COL6A3: variants seen among roughly 807,000 people sequenced by gnomAD.
The protein encoded by COL6A3 is collagen type VI alpha 3 chain.
Under a neutral mutation model 274.1 loss-of-function variants are expected in COL6A3, and 137 were observed. The observed-to-expected ratio is 0.50, with a 90% CI of 0.44 to 0.58. The LOEUF (loss-of-function observed/expected upper bound fraction) is 0.58, where lower values mean the gene tolerates loss of function less well. Among genes scored for constraint, COL6A3 ranks in the 20% least tolerant of loss-of-function variants. The pLI is 0.00. For missense variants in COL6A3, 3,950 were observed against 4,124.9 expected, an observed-to-expected ratio of 0.96 and a Z score of 1.16; for synonymous variants, 1,650 against 1,650.6, an observed-to-expected ratio of 1.00 and a Z score of 0.01.
At chr2:237,403,443 A>C (rs2078642936) in intron 1 of COL6A3, among the ~76,000 whole-genome samples, 2 of 152,188 alleles carry the variant, frequency 1.3e-5, no homozygotes. Flanking sequence ...CCATGATCTC[A>C]GCAGCTAAAA....
rs560325775 is a variant in COL6A3, at chr2:237,345,279, G to T, written c.7093-66C>A. 2.5e-4 allele frequency: 386 copies of T among 1,533,174 alleles called. 7 individuals are homozygous for T. In the South Asian group the frequency reaches 4.0e-3, roughly 16 times the overall value. 95.0% of individuals were successfully genotyped at this position (1,533,174 alleles called of 1,614,324 possible). ...GGGGAATTCGAATAAACAGGCTTTG[G>T]CCCCCAGAAATACACAGAGCAAGAC... On this transcript the variant is annotated intron_variant, in intron 32 of 43. Coordinates refer to ENST00000295550, the MANE Select transcript of COL6A3 (RefSeq NM_004369.4).
chr2:237,359,479 C>T, intron 17 of COL6A3, 91 bp from the exon 18 acceptor site: 1 of 1,324,344 alleles, frequency 7.6e-7, no homozygotes. Context: ...CCCCACTCCA[C>T]CCCATTTGAA....
In COL6A3 at chr2:237,344,016, A is replaced by G. The variant is rs1311897561; in HGVS notation, c.7668+334T>C. ...TTGGGAGGAGACAGGAAGGATGCAA[A>G]CGTCCAGGTCCTCATGAATAAAGCA... On this transcript the variant is annotated intron_variant, in intron 36 of 43. Coordinates refer to ENST00000295550, the MANE Select transcript of COL6A3 (RefSeq NM_004369.4). The surrounding 1 kb of genome is among the most constrained non-coding windows in gnomAD (Gnocchi z 4.8). 2.5e-6 allele frequency: 1 copy of G among 398,540 alleles called. No homozygotes were observed. Among genetic ancestry groups the G allele is most frequent in the African/African-American group, 2.1e-5 (1 of 48,546 alleles). 24.7% of individuals were successfully genotyped at this position (398,540 alleles called of 1,614,324 possible). A position where few individuals can be genotyped will look rare whatever the true frequency, so the allele number is the denominator to read the frequency against.
chr2:237,378,191 T>C (rs1385371293), intron 6 of COL6A3, among the ~76,000 whole-genome samples: 1 of 152,340 alleles, frequency 6.6e-6, no homozygotes, highest in East Asian at 1.9e-4. Flanking sequence ...TTGTTTGTTT[T>C]ATAACAAATA....
rs1303720225 is a variant in COL6A3, at chr2:237,380,901, C to T, written c.1897+14G>A. The T allele has an allele frequency of 1.2e-6, 2 of 1,611,262 alleles. No homozygotes were observed. The highest frequency in any genetic ancestry group is 1.1e-5 in the South Asian group (1 of 90,928). Reference sequence around the variant, plus strand: ...GACCACCCCATTGTGTGTCTGAAGCCATCACCACCATACCTTCAGGGGTTC... The same window carrying T: ...GACCACCCCATTGTGTGTCTGAAGCTATCACCACCATACCTTCAGGGGTTC... On this transcript the variant is annotated intron_variant, in intron 5 of 43. Transcript: ENST00000295550.
chr2:237,347,670 A>T (rs757746550), intron 31 of COL6A3, 137 bp downstream of exon 31: 15 of 896,782 alleles, frequency 1.7e-5, no homozygotes, highest in Non-Finnish European at 2.7e-5. Flanking sequence ...TCTGGGGCTC[A>T]GGATTCCCTT....
At chr2:237,340,042 G>A (rs13006593) in intron 38 of COL6A3, among the ~76,000 whole-genome samples, 2 of 152,188 alleles carry the variant, frequency 1.3e-5, no homozygotes, top group Non-Finnish European at 2.9e-5. Flanking sequence ...GCTAAGCCCC[G>A]ATCAAAGCAA....
chr2:237,353,682 C>G (rs1009487231), intron 24 of COL6A3, among the ~76,000 whole-genome samples: 1 of 152,090 alleles, frequency 6.6e-6, no homozygotes. Flanking sequence ...AGCAGAGGAC[C>G]GAGACACCGG....
At position 237,378,891 on chromosome 2, in the gene COL6A3, G is replaced by A. The variant is rs1286785931; in HGVS notation, c.2242C>T (p.Leu748Phe). The A allele has an allele frequency of 6.2e-7, 1 of 1,614,246 alleles. No individual in the cohort carries two copies. Among genetic ancestry groups the A allele is most frequent in the Non-Finnish European group, 8.5e-7 (1 of 1,180,044 alleles). Reference sequence around the variant, plus strand: ...TCAGACTGCCCAGCTGTGAGCAGAAGCAGGAGCTGCGGCACGTGTTCACGG... The same window carrying A: ...TCAGACTGCCCAGCTGTGAGCAGAAACAGGAGCTGCGGCACGTGTTCACGG... ...RIREHVPQLL[L>F]LLTAGQSEDS... The change falls in exon 6 of 44, where the codon CTT (leucine) becomes TTT (phenylalanine). Residue 748 changes from leucine to phenylalanine, a missense_variant. Physicochemically the swap from Leu to Phe is conservative, Grantham distance 22. Coordinates refer to ENST00000295550, the MANE Select transcript of COL6A3 (RefSeq NM_004369.4).
Position 237,374,501 on chromosome 2 carries a change from A to ACGGT in COL6A3, c.3586_3589dup (p.Val1197AspfsTer8). 1.2e-6 allele frequency: 2 copies of ACGGT among 1,614,096 alleles called. No individual in the cohort carries two copies. The highest frequency in any genetic ancestry group is 8.5e-7 in the Non-Finnish European group (1 of 1,180,008). The stretch of plus-strand genomic sequence containing the variant: ...CACCCTCTCAGAGATGACCTGTTGG[A>ACGGT]CGGTCCCCAGCTGGCGAAAGGTGGG... On this transcript the variant is annotated frameshift_variant, in exon 8 of 44. Transcript: ENST00000295550. LOFTEE classifies it high-confidence loss of function. This position sits in a 1 kb window ranked among gnomAD's most constrained non-coding sequence, Gnocchi z 4.8.
At position 237,378,646 on chromosome 2, in the gene COL6A3, G is replaced by T; in HGVS notation, c.2487C>A (p.Leu829=). The change falls in exon 6 of 44, where the codon CTC becomes CTA. Residue 829 remains leucine (L), a synonymous_variant. Coordinates refer to ENST00000295550, the MANE Select transcript of COL6A3 (RefSeq NM_004369.4). The stretch of plus-strand genomic sequence containing the variant: ...ACAGGGGAGGTTTACCTGGCTGAGC[G>T]AGTGGTACTTCCTCCACACCTCCAC... The part of the protein sequence containing the change: ...YVSGGVEEVP[L]AQPESKRDIL... The T allele has an allele frequency of 1.9e-6, 3 of 1,612,616 alleles. No homozygotes were observed. Among genetic ancestry groups the T allele is most frequent in the Non-Finnish European group, 2.5e-6 (3 of 1,180,036 alleles).
chr2:237,327,352 T>A (rs1700001286), intron 42 of COL6A3: 1 of 152,432 alleles, frequency 6.6e-6, no homozygotes, highest in South Asian at 2.1e-4. Context: ...GCTGTTCAAT[T>A]CCCAGTCCCC....
chr2:237,411,180 G>A (rs879575397), intron 1 of COL6A3, among the ~76,000 whole-genome samples: 2 of 152,186 alleles, frequency 1.3e-5, no homozygotes, highest in African/African-American at 2.4e-5. Context: ...GAAACCGCCT[G>A]CAATCCTTCC....
rs1173513164 is a variant in COL6A3, at chr2:237,394,675, A to G, written c.621T>C (p.His207=). The change falls in exon 3 of 44, where the codon CAT becomes CAC. Residue 207 remains histidine, a synonymous_variant. Transcript: ENST00000295550. ...AGGACACTAAGTTTCCTACTATGTC[A>G]TGAAGTGAGGTAAAATTCTCTAGGT... ...MFNLENFTSL[H]DIVGNLVSCV... is the part of the protein sequence containing the mutation. 6.2e-7 allele frequency: 1 copy of G among 1,614,244 alleles called. No homozygotes were observed. Among genetic ancestry groups the G allele is most frequent in the Non-Finnish European group, 8.5e-7 (1 of 1,180,040 alleles).
At position 237,412,110 on chromosome 2, in the gene COL6A3, A is replaced by G. The variant is rs536460367; in HGVS notation, c.-31+1843T>C. On this transcript the variant is annotated intron_variant, in intron 1 of 43. Coordinates refer to ENST00000295550, the MANE Select transcript of COL6A3 (RefSeq NM_004369.4). ...GGGTAGCAAGAAACCCCCTAAACAA[A>G]GAAGTCCAGACAGGCAGCTGTTCCT... 8.5e-5 allele frequency among the ~76,000 whole-genome samples: 13 copies of G among 152,320 alleles called. No homozygotes were observed. The East Asian group carries it at 2.1e-3, about 25-fold the overall frequency.
Position 237,345,039 on chromosome 2 carries a change from C to T in COL6A3, c.7162+19G>A, listed in dbSNP as rs372113681. On this transcript the variant is annotated intron_variant, in intron 34 of 43. Coordinates refer to ENST00000295550, the MANE Select transcript of COL6A3 (RefSeq NM_004369.4). ...TGTAAAAATATGCATTGTGAGACAACAGAAAATCATGTACTTACGGCATTT... is the reference window on the plus strand; with the variant it reads ...TGTAAAAATATGCATTGTGAGACAATAGAAAATCATGTACTTACGGCATTT... 6 of 1,614,034 alleles carry T rather than the reference C, an allele frequency of 3.7e-6. No homozygotes were observed. The African/African-American group carries it at 8.0e-5, about 22-fold the overall frequency.
Position 237,407,072 on chromosome 2 carries a change from G to A in COL6A3, c.-31+6881C>T, listed in dbSNP as rs183287495. ...CTACAGGTGTGCGCCACCACGCCTGGCTAATTTTTTTTGAATTTTGGTAGA... is the reference window on the plus strand; with the variant it reads ...CTACAGGTGTGCGCCACCACGCCTGACTAATTTTTTTTGAATTTTGGTAGA... On this transcript the variant is annotated intron_variant, in intron 1 of 43. Transcript: ENST00000295550. The surrounding 1 kb of genome is among the most constrained non-coding windows in gnomAD (Gnocchi z 4.3). Among the ~76,000 whole-genome samples, 24 of 151,914 alleles carry A rather than the reference G, an allele frequency of 1.6e-4. No homozygotes were observed. The highest frequency in any genetic ancestry group is 9.2e-4 in the Admixed American group (14 of 15,256).
At chr2:237,338,696 A>G (rs1209822454) in intron 39 of COL6A3, among the ~76,000 whole-genome samples, 2 of 152,348 alleles carry the variant, frequency 1.3e-5, no homozygotes, top group Admixed American at 1.3e-4. Flanking sequence ...TGAATCCAGG[A>G]GGCAGAGGTT....
chr2:237,385,031 C>A (rs1012475068), intron 4 of COL6A3, among the ~76,000 whole-genome samples: 1 of 152,138 alleles, frequency 6.6e-6, no homozygotes, highest in South Asian at 2.1e-4. Flanking sequence ...CTGCTCTCCG[C>A]ATGCTCATCT....
Sources: gnomAD v4.1 joint callset for allele counts (sites outside exome capture counted in the v4.1 genomes callset) on GRCh38, gnomAD v4.1.1 for gene constraint, Gnocchi (gnomAD v3.1) non-coding constraint, MANE v1.5 for transcripts, NCBI Gene and HGNC (gene_info 2026-07-23, HGNC 2026-07-21) for gene names.